The following FSIP1 variants were observed in gnomAD, a reference collection of about 807,000 sequenced individuals.
FSIP1 encodes fibrous sheath-interacting protein 1.
A neutral mutation model predicts 60.9 loss-of-function variants in FSIP1; 65 were observed. The observed-to-expected ratio is 1.07, with a 90% confidence interval of 0.87 to 1.31. The LOEUF (loss-of-function observed/expected upper bound fraction) is 1.31, where lower values mean the gene tolerates loss of function less well. Among genes scored for constraint, FSIP1 ranks in the 40% most tolerant of loss-of-function variants. The pLI, the probability that FSIP1 is intolerant of heterozygous loss-of-function variation, is 0.00. For synonymous variants in FSIP1, 209 were observed against 221.2 expected (o/e 0.94, Z 0.49); for missense variants, 675 against 665.5 (o/e 1.01, Z -0.16).
chr15:39,628,290 A>G (rs759133497), intron 10 of FSIP1, among the ~76,000 whole-genome samples: 13 of 152,228 alleles, frequency 8.5e-5, no homozygotes, highest in Non-Finnish European at 1.5e-4. Flanking sequence ...GAGAAAGCCA[A>G]GGTCACAGCT....
At chr15:39,707,685 A>G (rs1425921909) in intron 10 of FSIP1, among the ~76,000 whole-genome samples, 1 of 152,202 alleles carries the variant, frequency 6.6e-6, no homozygotes, top group Non-Finnish European at 1.5e-5. Context: ...TACTAATTTA[A>G]ACTTCATAAC....
At chr15:39,668,856 G>A (rs556658945) in intron 10 of FSIP1, among the ~76,000 whole-genome samples, 1 of 152,292 alleles carries the variant, frequency 6.6e-6, no homozygotes, top group Non-Finnish European at 1.5e-5. Context: ...GCAGCATGAT[G>A]TTAGTTTGCT....
intron 10 of FSIP1, among the ~76,000 whole-genome samples, chr15:39,711,812 G>C (rs1895525831): frequency 1.4e-5 from 2 of 146,956 alleles, no homozygotes; most frequent in South Asian, 4.4e-4. Flanking sequence ...AGCCTCCCAA[G>C]TAGCTGGGAC....
At chr15:39,659,446 G>T (rs1315117795) in intron 10 of FSIP1, among the ~76,000 whole-genome samples, 1 of 151,824 alleles carries the variant, frequency 6.6e-6, no homozygotes, top group East Asian at 1.9e-4. Context: ...GGAGGCTGAG[G>T]CAGGAGAATG....
intron 10 of FSIP1, among the ~76,000 whole-genome samples, chr15:39,689,101 T>C (rs1251460599): frequency 6.6e-6 from 1 of 152,174 alleles, no homozygotes; most frequent in African/African-American, 2.4e-5. Context: ...ACAACTAGAA[T>C]GACTCCCAGA....
chr15:39,773,752 A>C (rs906536882), intron 2 of FSIP1, among the ~76,000 whole-genome samples: 3 of 152,230 alleles, frequency 2.0e-5, no homozygotes, highest in African/African-American at 7.2e-5. Context: ...AGGAGATAAA[A>C]GCCAGCGTGA....
chr15:39,666,348 G>T (rs1419415671), intron 10 of FSIP1, among the ~76,000 whole-genome samples: 1 of 152,082 alleles, frequency 6.6e-6, no homozygotes, highest in Non-Finnish European at 1.5e-5. Flanking sequence ...GATAAGAAAA[G>T]GTTCCAAATA....
intron 10 of FSIP1, among the ~76,000 whole-genome samples, chr15:39,695,641 T>C (rs1894784784): frequency 6.6e-6 from 1 of 152,200 alleles, no homozygotes; most frequent in Non-Finnish European, 1.5e-5. Context: ...TTTTGACAGA[T>C]AGTTAAATCT....
chr15:39,646,388 G>A lies in FSIP1; in HGVS notation c.1189-28143C>T, dbSNP rs938280007. On this transcript the variant is annotated intron_variant, in intron 10 of 11. Transcript: ENST00000350221. ...ACAGAGGTTTCCCACCAGAAAAATC[G>A]ACACCCAAGAGATCTCCTAACACTA... 3.3e-5 allele frequency among the ~76,000 whole-genome samples: 5 copies of A among 151,812 alleles called. No individual in the cohort carries two copies. The East Asian group carries it at 7.8e-4, about 24-fold the overall frequency.
chr15:39,671,448 T>A (rs1171022684), intron 10 of FSIP1, among the ~76,000 whole-genome samples: 2 of 152,310 alleles, frequency 1.3e-5, no homozygotes, highest in South Asian at 4.1e-4. Flanking sequence ...AGACTAATTA[T>A]ATGAAGACTA....
intron 9 of FSIP1, among the ~76,000 whole-genome samples, chr15:39,715,659 G>A (rs575413757): frequency 7.2e-5 from 11 of 152,214 alleles, no homozygotes; most frequent in African/African-American, 9.6e-5. Flanking sequence ...TCCTGATATC[G>A]TTTGGATCTC....
At chr15:39,717,492 A>G (rs1895786166) in intron 9 of FSIP1, among the ~76,000 whole-genome samples, 1 of 152,210 alleles carries the variant, frequency 6.6e-6, no homozygotes, top group African/African-American at 2.4e-5. Flanking sequence ...ATTCAACTGC[A>G]TATTCATGCT....
At chr15:39,699,968 G>A (rs1402126574) in intron 10 of FSIP1, among the ~76,000 whole-genome samples, 1 of 152,166 alleles carries the variant, frequency 6.6e-6, no homozygotes, top group African/African-American at 2.4e-5. Context: ...GCCCTCAGCT[G>A]GGAGCACTCA....
At chr15:39,706,831 T>C (rs928580585) in intron 10 of FSIP1, among the ~76,000 whole-genome samples, 4 of 152,230 alleles carry the variant, frequency 2.6e-5, no homozygotes, top group Non-Finnish European at 4.4e-5. Context: ...TCTATAAAAA[T>C]AGAATCACAC....
chr15:39,649,135 G>A (rs1054681623), intron 10 of FSIP1, among the ~76,000 whole-genome samples: 11 of 152,088 alleles, frequency 7.2e-5, no homozygotes, highest in Non-Finnish European at 1.3e-4. Flanking sequence ...TTTAAGAGGA[G>A]GGACTTAAGA....
chr15:39,731,548 C>T (rs777855037), intron 8 of FSIP1, among the ~76,000 whole-genome samples: 11 of 152,120 alleles, frequency 7.2e-5, no homozygotes, highest in Non-Finnish European at 1.3e-4. Flanking sequence ...AGACGAAATT[C>T]ACCAGAAATG....
At chr15:39,629,530 T>C (rs2140400106) in intron 10 of FSIP1, among the ~76,000 whole-genome samples, 1 of 152,264 alleles carries the variant, frequency 6.6e-6, no homozygotes, top group African/African-American at 2.4e-5. Flanking sequence ...AGTCAGTTTT[T>C]CTCTTACTCC....
In FSIP1 at chr15:39,713,480, C is replaced by G; in HGVS notation, c.1152G>C (p.Glu384Asp). The change falls in exon 10 of 12, where the codon GAG becomes GAC. Residue 384 changes from glutamate (E) to aspartate (D), a missense_variant. Coordinates refer to ENST00000350221, the MANE Select transcript of FSIP1 (RefSeq NM_152597.5). ...EQRDLHNRLREIDEKLKMMKE... is the reference protein window; with the variant it reads ...EQRDLHNRLRDIDEKLKMMKE... ...TCATCATTTTCAGCTTTTCATCAAT[C>G]TCTCTCAGCCGATTATGCAGATCGC... 1 of 1,601,736 alleles carries G rather than the reference C, an allele frequency of 6.2e-7. No homozygotes were observed. The highest frequency in any genetic ancestry group is 8.5e-7 in the Non-Finnish European group (1 of 1,175,432).
chr15:39,608,522 TC>T (rs1890908257), intron 11 of FSIP1, among the ~76,000 whole-genome samples: 1 of 152,238 alleles, frequency 6.6e-6, no homozygotes, highest in South Asian at 2.1e-4. Context: ...CAGAGGAGAT[TC>T]AGATACTTTC....
Sources: gnomAD v4.1 joint callset for allele counts (sites outside exome capture counted in the v4.1 genomes callset) on GRCh38, gnomAD v4.1.1 for gene constraint, MANE v1.5 for transcripts, NCBI Gene and HGNC (gene_info 2026-07-23, HGNC 2026-07-21) for gene names.